Variants in ZNF91 observed in about 807,000 individuals in gnomAD.
ZNF91 encodes zinc finger protein 91.
In ZNF91, 7 loss-of-function variants were observed where a neutral mutation model predicts 12.6. The ratio of observed to expected loss-of-function variants is 0.55; its 90% CI spans 0.31 to 1.04. ZNF91 has a LOEUF of 1.04. Ranked by LOEUF, ZNF91 falls within the 50% of genes least tolerant of loss-of-function variation. The probability of loss-of-function intolerance (pLI) is 0.05; values close to 1 mark genes in which losing one functional copy is unlikely to be tolerated. For synonymous variants in ZNF91, 453 were observed against 462.6 expected, an observed-to-expected ratio of 0.98 and a Z score of 0.27; for missense variants, 1,217 against 1,385.4, an observed-to-expected ratio of 0.88 and a Z score of 1.93.
At chr19:23,381,329 T>G (rs4932855) in intron 1 of ZNF91, among the ~76,000 whole-genome samples, 19,541 of 152,196 alleles carry the variant, frequency 0.13, 2,037 homozygotes, top group East Asian at 0.43. Flanking sequence ...GAAAATACTA[T>G]TGAATGTATA....
chr19:23,373,770 C>A lies in ZNF91; in HGVS notation c.225G>T (p.Lys75Asn), dbSNP rs1199477854. Reference sequence around the variant, plus strand: ...TGGGTTCATCCACCATCTCATGTTGCTTCATATTCCAGGGCTCTTTTCCTT... The same window carrying A: ...TGGGTTCATCCACCATCTCATGTTGATTCATATTCCAGGGCTCTTTTCCTT... Reference protein sequence around the residue: ...LEQGKEPWNMKQHEMVDEPTG... With the variant: ...LEQGKEPWNMNQHEMVDEPTG... The change falls in exon 3 of 4, where the codon AAG becomes AAT. Residue 75 changes from lysine to asparagine, a missense_variant. Lys to Asn is a moderately conservative substitution (Grantham distance 94). Coordinates refer to ENST00000300619, the MANE Select transcript of ZNF91 (RefSeq NM_003430.4). 6.2e-7 allele frequency: 1 copy of A among 1,611,202 alleles called. No individual in the cohort carries two copies.
upstream of ZNF91, among the ~76,000 whole-genome samples, chr19:23,313,885 A>T (rs1457953844): frequency 3.9e-5 from 6 of 152,198 alleles, no homozygotes; most frequent in Non-Finnish European, 7.3e-5. Context: ...TGAATTTTGT[A>T]CTTAGACCCA....
At position 23,359,270 on chromosome 19, in the gene ZNF91, T is replaced by C. The variant is rs1293542856; in HGVS notation, c.*133A>G. The C allele has an allele frequency of 2.1e-6, 1 of 469,250 alleles. No homozygotes were observed. Among genetic ancestry groups the C allele is most frequent in the Admixed American group, 3.4e-5 (1 of 29,576 alleles). The allele number at this position is 469,250 out of a possible 1,614,324, so 29.1% of individuals were successfully genotyped here. A position where few individuals can be genotyped will look rare whatever the true frequency, so the allele number is the denominator to read the frequency against. On this transcript the variant is annotated 3_prime_UTR_variant, in exon 4 of 4. Transcript: ENST00000300619. ...CGGAGTCTCGCTCTGTCGCCCAGGC[T>C]TGAGTGCAGTGGCGTGATCTCGGCT...
chr19:23,348,889 T>TG (rs1301528082), intron 3 of ZNF91, among the ~76,000 whole-genome samples: 2 of 152,104 alleles, frequency 1.3e-5, no homozygotes, highest in Admixed American at 1.3e-4. Flanking sequence ...GGGGAAGGAA[T>TG]GCATTCCCAG....
At chr19:23,368,182 C>T (rs777397849) in intron 3 of ZNF91, among the ~76,000 whole-genome samples, 52 of 152,038 alleles carry the variant, frequency 3.4e-4, no homozygotes, top group African/African-American at 9.9e-4. Context: ...CGCTGGGCGA[C>T]GAGGCCCAGC....
chr19:23,324,376 TCTTA>T (rs1302982787), intron 1 of ZNF91: 1 of 152,020 alleles, frequency 6.6e-6, no homozygotes, highest in Non-Finnish European at 1.5e-5. Flanking sequence ...CTACTCCTTC[TCTTA>T]CTGTGCCACT....
chr19:23,311,835 G>T (rs928849026), upstream of ZNF91, among the ~76,000 whole-genome samples: 9 of 147,998 alleles, frequency 6.1e-5, no homozygotes, highest in African/African-American at 1.8e-4. Context: ...TGCCCACAAG[G>T]TTATTATGGT....
chr19:23,372,496 C>T (rs8104071), intron 3 of ZNF91, among the ~76,000 whole-genome samples: 44,406 of 151,708 alleles, frequency 0.29, 6,844 homozygotes, highest in East Asian at 0.39. Context: ...AGCCCAAGAT[C>T]GAAGGTAATC....
At chr19:23,364,477 TATTAAGATTTAGCTTGC>T (rs1273771788) in intron 3 of ZNF91, among the ~76,000 whole-genome samples, 2 of 152,116 alleles carry the variant, frequency 1.3e-5, no homozygotes, top group Admixed American at 6.6e-5. Flanking sequence ...GTTTAATATG[TATTAAGATTTAGCTTGC>T]AAGGTAAAAA....
chr19:23,368,096 G>C (rs926859574), intron 3 of ZNF91, among the ~76,000 whole-genome samples: 2 of 151,996 alleles, frequency 1.3e-5, no homozygotes, highest in African/African-American at 2.4e-5. Flanking sequence ...TTTTAGTAGA[G>C]ACAGGGTTTC....
At chr19:23,377,212 T>A (rs746330582) in intron 1 of ZNF91, among the ~76,000 whole-genome samples, 1 of 152,206 alleles carries the variant, frequency 6.6e-6, no homozygotes, top group Non-Finnish European at 1.5e-5. Flanking sequence ...CACCCTTTAG[T>A]GCAAAGGTGG....
chr19:23,350,925 T>C (rs1568377199), intron 3 of ZNF91, among the ~76,000 whole-genome samples: 1 of 151,758 alleles, frequency 6.6e-6, no homozygotes, highest in Non-Finnish European at 1.5e-5. Context: ...ATTAAAACAG[T>C]GTGTTGCTCC....
At chr19:23,343,493 G>A (rs963352629) in intron 3 of ZNF91, among the ~76,000 whole-genome samples, 2 of 152,212 alleles carry the variant, frequency 1.3e-5, no homozygotes, top group African/African-American at 2.4e-5. Flanking sequence ...TTAAGATAAG[G>A]GATGTAAGAA....
Position 23,361,623 on chromosome 19 carries a change from A to G in ZNF91, c.1356T>C (p.His452=), listed in dbSNP as rs778438283. Residue 452 remains histidine (H), a synonymous_variant, in exon 4 of 4, where the codon CAT becomes CAC. Coordinates refer to ENST00000300619, the MANE Select transcript of ZNF91 (RefSeq NM_003430.4). ...AFNWSSSLTK[H]KRFHTREKPF... ...GTTTCTCTCTAGTATGAAATCTTTT[A>G]TGTTTAGTAAGGCTTGAGGACCAGT... The G allele has an allele frequency of 1.2e-6, 2 of 1,613,698 alleles. No homozygotes were observed. Among genetic ancestry groups the G allele is most frequent in the Non-Finnish European group, 8.5e-7 (1 of 1,179,822 alleles).
At position 23,373,843 on chromosome 19, in the gene ZNF91, T is replaced by G. The variant is rs772071180; in HGVS notation, c.158-6A>C. ...TGGCTTAGAGAGAGCAATACCTGTTTTATTAAAAATAACTAACATGAGTCT... is the reference window on the plus strand; with the variant it reads ...TGGCTTAGAGAGAGCAATACCTGTTGTATTAAAAATAACTAACATGAGTCT... On this transcript the variant is annotated splice_polypyrimidine_tract_variant and splice_region_variant and intron_variant, in intron 2 of 3. Transcript: ENST00000300619. 2 of 1,593,332 alleles carry G rather than the reference T, an allele frequency of 1.3e-6. No homozygotes were observed. Among genetic ancestry groups the G allele is most frequent in the Non-Finnish European group, 1.7e-6 (2 of 1,169,644 alleles).
At position 23,319,568 on chromosome 19, in the gene ZNF91, A is replaced by T. The variant is rs559087078; in HGVS notation, n.117-10471T>A. 1.1e-4 allele frequency among the ~76,000 whole-genome samples: 16 copies of T among 145,556 alleles called. No individual in the cohort carries two copies. The East Asian group carries it at 3.1e-3, about 28-fold the overall frequency. ...TGGGCCCTGCCCAGTGGGCCTTGTG[A>T]CATATATCTGCATACACTACCTAGG... On this transcript the variant is annotated intron_variant and non_coding_transcript_variant, in intron 1 of 1. Coordinates refer to the ZNF91 transcript ENST00000596528.
intron 3 of ZNF91, among the ~76,000 whole-genome samples, chr19:23,365,213 T>G (rs1301050655): frequency 6.6e-6 from 1 of 151,956 alleles, no homozygotes; most frequent in Non-Finnish European, 1.5e-5. Context: ...TTGATTTAAA[T>G]TTATTTCACT....
At chr19:23,316,182 T>TG (rs61164782) in intron 1 of ZNF91, among the ~76,000 whole-genome samples, 1 of 151,352 alleles carries the variant, frequency 6.6e-6, no homozygotes, top group Non-Finnish European at 1.5e-5. Flanking sequence ...TTTTTTTTTT[T>TG]GCCTGGTCCC....
At chr19:23,387,305 A>C (rs1969903012) in intron 1 of ZNF91, among the ~76,000 whole-genome samples, 1 of 152,266 alleles carries the variant, frequency 6.6e-6, no homozygotes, top group African/African-American at 2.4e-5. Flanking sequence ...ATACCCAAAG[A>C]AATACAAATT....
Sources: gnomAD v4.1 joint callset for allele counts (sites outside exome capture counted in the v4.1 genomes callset) on GRCh38, gnomAD v4.1.1 for gene constraint, MANE v1.5 for transcripts, NCBI Gene and HGNC (gene_info 2026-07-23, HGNC 2026-07-21) for gene names.